PHKB: variants seen among roughly 807,000 people sequenced by gnomAD.
The protein encoded by PHKB is phosphorylase kinase regulatory subunit beta, also known as phosphorylase b kinase regulatory subunit beta.
PHKB carries 122 observed loss-of-function variants against 152.1 expected under a neutral mutation model. That is an observed-to-expected ratio of 0.80 (90% CI 0.69 to 0.93). PHKB has a LOEUF of 0.93. PHKB is among the 40% of genes least tolerant of loss of function. PHKB has a pLI of 0.00. For synonymous variants in PHKB, 436 were observed against 464.9 expected (o/e 0.94, Z 0.80); for missense variants, 1,304 against 1,328.4 (o/e 0.98, Z 0.29).
chr16:47,611,102 C>T (rs1204049183), intron 14 of PHKB, among the ~76,000 whole-genome samples, 182 bp downstream of exon 14: 2 of 152,176 alleles, frequency 1.3e-5, no homozygotes, highest in Non-Finnish European at 2.9e-5. Context: ...AAGTAGATTT[C>T]AGATGGGTCC....
chr16:47,628,107 G>T (rs941922831), intron 14 of PHKB, among the ~76,000 whole-genome samples: 9 of 152,184 alleles, frequency 5.9e-5, no homozygotes, highest in Admixed American at 5.9e-4. Flanking sequence ...AGCAAGACCA[G>T]CCTGGAGGAT....
rs761645932 is a variant in PHKB, at chr16:47,665,940, A to C, written c.2427+965A>C. ...CTGGCCTGCTCTCTTCTTTGCCCCC[A>C]GGTCGGTTGTACGCCGTGCAGCAAG... is the stretch of plus-strand genomic sequence containing the variant. On this transcript the variant is annotated intron_variant, in intron 25 of 30. Coordinates refer to ENST00000323584, the MANE Select transcript of PHKB (RefSeq NM_000293.3). The C allele has an allele frequency of 6.5e-5, 105 of 1,610,982 alleles. No individual in the cohort carries two copies. Among genetic ancestry groups the C allele is most frequent in the Non-Finnish European group, 8.6e-5 (101 of 1,177,268 alleles).
intron 6 of PHKB, among the ~76,000 whole-genome samples, chr16:47,536,150 C>G (rs1970948391): frequency 6.6e-6 from 1 of 152,152 alleles, no homozygotes; most frequent in Non-Finnish European, 1.5e-5. Context: ...CTCCCGTGTT[C>G]AAGCGATTCT....
intron 14 of PHKB, among the ~76,000 whole-genome samples, chr16:47,634,641 A>G (rs949042721): frequency 1.3e-5 from 2 of 152,220 alleles, no homozygotes; most frequent in African/African-American, 2.4e-5. Flanking sequence ...TGAGACCTGT[A>G]TGACCAGAGA....
chr16:47,505,197 A>G (rs1433840545), intron 4 of PHKB, among the ~76,000 whole-genome samples: 1 of 152,214 alleles, frequency 6.6e-6, no homozygotes, highest in African/African-American at 2.4e-5. Flanking sequence ...TTAGTTGGGT[A>G]AGAAGCCCGG....
chr16:47,483,451 T>A (rs1002756553), intron 1 of PHKB, among the ~76,000 whole-genome samples: 10 of 152,154 alleles, frequency 6.6e-5, no homozygotes, highest in African/African-American at 2.2e-4. Context: ...CCTTAGAAGT[T>A]TGGAATTTTA....
intron 1 of PHKB, among the ~76,000 whole-genome samples, chr16:47,470,242 G>A (rs945877306): frequency 6.6e-6 from 1 of 152,192 alleles, no homozygotes; most frequent in African/African-American, 2.4e-5. Context: ...CCAGTCATTA[G>A]CATTGTTTCT....
chr16:47,677,212 C>T (rs1030068840), intron 26 of PHKB, among the ~76,000 whole-genome samples: 7 of 152,192 alleles, frequency 4.6e-5, no homozygotes, highest in Non-Finnish European at 8.8e-5. Context: ...GCTCCCCAAC[C>T]TCTATTCTAT....
chr16:47,672,541 G>A (rs912558635), intron 26 of PHKB, among the ~76,000 whole-genome samples: 2 of 152,242 alleles, frequency 1.3e-5, no homozygotes, highest in Middle Eastern at 3.4e-3. Flanking sequence ...TGTAATAAGT[G>A]TTCAGGGAGC....
Position 47,617,239 on chromosome 16 carries a change from A to AATATATAATATTT in PHKB, c.1458+6331_1458+6343dup, listed in dbSNP as rs1255616001. Among the ~76,000 whole-genome samples, 72 of 147,984 alleles carry AATATATAATATTT rather than the reference A, an allele frequency of 4.9e-4. 1 individual carries two copies. Among genetic ancestry groups the AATATATAATATTT allele is most frequent in the African/African-American group, 1.6e-3 (66 of 40,884 alleles). ...TATTTATATAATATAATGTATATAAAATATATAATATTTATATATAATATA... is the reference window on the plus strand; with the variant it reads ...TATTTATATAATATAATGTATATAAAATATATAATATTTATATATAATATTTATATATAATATA... On this transcript the variant is annotated intron_variant, in intron 14 of 30. Coordinates refer to ENST00000323584, the MANE Select transcript of PHKB (RefSeq NM_000293.3).
chr16:47,462,809 GT>G (rs1304722202), intron 1 of PHKB: 2 of 142,934 alleles, frequency 1.4e-5, no homozygotes, highest in African/African-American at 5.2e-5. Context: ...CGAACACTCT[GT>G]TTTTTTATAC....
chr16:47,570,176 C>T (rs1971634599), intron 7 of PHKB, among the ~76,000 whole-genome samples: 1 of 152,204 alleles, frequency 6.6e-6, no homozygotes, highest in Admixed American at 6.5e-5. Flanking sequence ...TTTCCTTTAT[C>T]ATTTATTTGA....
At chr16:47,671,512 C>T (rs1267129901) in intron 26 of PHKB, among the ~76,000 whole-genome samples, 4 of 152,042 alleles carry the variant, frequency 2.6e-5, no homozygotes, top group African/African-American at 9.7e-5. Flanking sequence ...TTTCTTATAA[C>T]TTTTTTCCTT....
At chr16:47,605,434 G>A (rs188029808) in intron 13 of PHKB, among the ~76,000 whole-genome samples, 1 of 152,242 alleles carries the variant, frequency 6.6e-6, no homozygotes, top group East Asian at 1.9e-4. Context: ...TGCTTTACAA[G>A]GATATAAGGT....
intron 4 of PHKB, among the ~76,000 whole-genome samples, chr16:47,507,495 G>A (rs1970440386): frequency 1.3e-5 from 2 of 151,898 alleles, no homozygotes; most frequent in African/African-American, 4.8e-5. Flanking sequence ...TTTTGATACA[G>A]TTTGAGTGTG....
chr16:47,542,664 C>T (rs113070200), intron 6 of PHKB, among the ~76,000 whole-genome samples: 48,414 of 152,046 alleles, frequency 0.32, 8,060 homozygotes, highest in Non-Finnish European at 0.38. Context: ...TTTGTGTCCT[C>T]TTTTATTTCA....
In PHKB at chr16:47,580,233, A is replaced by G. The variant is rs1971818987; in HGVS notation, c.711-62A>G. 3.9e-5 allele frequency: 48 copies of G among 1,221,200 alleles called. No individual in the cohort carries two copies. In the South Asian group the frequency reaches 5.6e-4, roughly 14 times the overall value. 75.6% of individuals were successfully genotyped at this position (1,221,200 alleles called of 1,614,324 possible). Reference sequence around the variant, plus strand: ...ATTTGCTCGTGAATATTCATCAGATAATGGTTCTGATTTTGTAGCCACATA... The same window carrying G: ...ATTTGCTCGTGAATATTCATCAGATGATGGTTCTGATTTTGTAGCCACATA... On this transcript the variant is annotated intron_variant, in intron 7 of 30. Transcript: ENST00000323584.
At position 47,627,774 on chromosome 16, in the gene PHKB, ATGTTGC is replaced by A. The variant is rs1244722191; in HGVS notation, c.1459-13258_1459-13253del. Among the ~76,000 whole-genome samples the A allele has an allele frequency of 4.6e-5, 7 of 152,072 alleles. No individual in the cohort carries two copies. The East Asian group carries it at 1.3e-3, about 29-fold the overall frequency. ...CCTCTGCTTTCCTATTAATTTTCAC[ATGTTGC>A]TGCTTTGGCTTGGTTGGAAATGTCA... On this transcript the variant is annotated intron_variant, in intron 14 of 30. Transcript: ENST00000323584.
intron 6 of PHKB, chr16:47,529,984 A>G (rs1279129973): frequency 1.3e-5 from 2 of 152,192 alleles, no homozygotes; most frequent in Non-Finnish European, 2.9e-5. Flanking sequence ...CAAAGAATTC[A>G]TCACCTATTC....
Sources: allele counts gnomAD v4.1 joint callset (sites outside exome capture counted in the v4.1 genomes callset), GRCh38; gene constraint gnomAD v4.1.1; transcripts MANE v1.5; gene names NCBI Gene and HGNC (gene_info 2026-07-23, HGNC 2026-07-21).